IMMP2L: variants seen among roughly 807,000 people sequenced by gnomAD.
IMMP2L encodes inner mitochondrial membrane peptidase subunit 2.
A neutral mutation model predicts 19.3 loss-of-function variants in IMMP2L; 18 were observed. That is an observed-to-expected ratio of 0.93 (90% CI 0.64 to 1.38). The LOEUF is 1.38. Among genes scored for constraint, IMMP2L ranks in the 40% most tolerant of loss-of-function variants. The pLI is 0.00. For synonymous variants in IMMP2L, 76 were observed against 73.0 expected (o/e 1.04, Z -0.21); for missense variants, 233 against 218.2 (o/e 1.07, Z -0.43).
intron 5 of IMMP2L, among the ~76,000 whole-genome samples, chr7:110,879,211 T>C (rs1276268397): frequency 1.3e-5 from 2 of 152,002 alleles, no homozygotes; most frequent in Non-Finnish European, 2.9e-5. Context: ...GTCAACATGG[T>C]GAAACCCTGT....
In IMMP2L at chr7:111,128,970, A is replaced by T. The variant is rs1216929064; in HGVS notation, c.240-165405T>A. On this transcript the variant is annotated intron_variant, in intron 3 of 5. Coordinates refer to ENST00000405709, the MANE Select transcript of IMMP2L (RefSeq NM_032549.4). ...TCTAGCATAGACAAAATGTCTACAT[A>T]TCTTTACAAGGAGGAGAACCAACTT... Among the ~76,000 whole-genome samples, 8 of 152,230 alleles carry T rather than the reference A, an allele frequency of 5.3e-5. No individual in the cohort carries two copies. In the East Asian group the frequency reaches 1.5e-3, roughly 29 times the overall value.
intron 3 of IMMP2L, chr7:111,390,717 C>G (rs1391664412): frequency 6.6e-6 from 1 of 152,056 alleles, no homozygotes; most frequent in African/African-American, 2.4e-5. Flanking sequence ...AGAAATACAA[C>G]AAACGATTTC....
chr7:110,975,882 T>A (rs1820636964), intron 3 of IMMP2L, among the ~76,000 whole-genome samples: 1 of 152,128 alleles, frequency 6.6e-6, no homozygotes, highest in Non-Finnish European at 1.5e-5. Context: ...TTACTTTTAG[T>A]CACATTAAAC....
chr7:110,858,630 T>G (rs951092439), intron 5 of IMMP2L, among the ~76,000 whole-genome samples: 15 of 151,994 alleles, frequency 9.9e-5, no homozygotes, highest in African/African-American at 3.6e-4. Flanking sequence ...TACTTTAAGT[T>G]TTAGGGTACA....
intron 4 of IMMP2L, among the ~76,000 whole-genome samples, chr7:110,923,921 G>A (rs1456540253): frequency 6.6e-6 from 1 of 152,152 alleles, no homozygotes; most frequent in African/African-American, 2.4e-5. Flanking sequence ...CTGATTGCTA[G>A]TGATTGACAA....
rs562319353 is a variant in IMMP2L at position 110,757,752 on chromosome 7, T to C, written c.409-94031A>G. On this transcript the variant is annotated intron_variant, in intron 5 of 5. Transcript: ENST00000405709. The surrounding 1 kb of genome is among the most constrained non-coding windows in gnomAD (Gnocchi z 4.2). ...TGCCCATACCTTTGTTAAATCTTTC[T>C]TAAATTTTTCTACTTTGAGTTTGTC... Among the ~76,000 whole-genome samples, 1 of 152,142 alleles carries C rather than the reference T, an allele frequency of 6.6e-6. No homozygotes were observed. Among genetic ancestry groups the C allele is most frequent in the African/African-American group, 2.4e-5 (1 of 41,448 alleles).
chr7:111,284,683 G>C (rs548079231), intron 3 of IMMP2L, among the ~76,000 whole-genome samples: 2 of 152,112 alleles, frequency 1.3e-5, no homozygotes, highest in South Asian at 4.1e-4. Context: ...CAGGCACTGA[G>C]AGCAAAAAGA....
chr7:110,992,703 G>A (rs1337887841), intron 3 of IMMP2L, among the ~76,000 whole-genome samples: 1 of 151,866 alleles, frequency 6.6e-6, no homozygotes, highest in African/African-American at 2.4e-5. Flanking sequence ...GATCACTCAA[G>A]CATTTGTTGA....
In IMMP2L at chr7:111,479,164, T is replaced by C. The variant is rs577887030; in HGVS notation, c.239+8074A>G. ...AAAAGTTCTGCTCATCCTGTCACCA[T>C]CTTAGCTATTGCTGCTTGGTTTCTC... is the stretch of plus-strand genomic sequence containing the variant. On this transcript the variant is annotated intron_variant, in intron 3 of 5. Transcript: ENST00000405709. Among the ~76,000 whole-genome samples the C allele has an allele frequency of 3.9e-5, 6 of 152,290 alleles. No individual in the cohort carries two copies. In the South Asian group the frequency reaches 1.0e-3, roughly 26 times the overall value.
chr7:111,217,994 T>G (rs2129620009), intron 3 of IMMP2L, among the ~76,000 whole-genome samples: 1 of 152,156 alleles, frequency 6.6e-6, no homozygotes, highest in East Asian at 1.9e-4. Flanking sequence ...TTCAAAATAA[T>G]GAGCTACGGA....
At chr7:110,747,940 A>G (rs1248922252) in intron 5 of IMMP2L, among the ~76,000 whole-genome samples, 1 of 152,222 alleles carries the variant, frequency 6.6e-6, no homozygotes, top group Admixed American at 6.5e-5. Flanking sequence ...TTCAATTAGG[A>G]AAAGAGGAAG....
intron 3 of IMMP2L, among the ~76,000 whole-genome samples, chr7:111,286,879 T>G (rs1820543047): frequency 6.6e-6 from 1 of 152,162 alleles, no homozygotes; most frequent in South Asian, 2.1e-4. Context: ...GATTTAGGGA[T>G]ACACACTTTC....
intron 4 of IMMP2L, among the ~76,000 whole-genome samples, chr7:110,936,553 G>T (rs1816131567): frequency 6.6e-6 from 1 of 152,182 alleles, no homozygotes; most frequent in African/African-American, 2.4e-5. Context: ...GGAAACAACA[G>T]ATGCTGGGGA....
chr7:110,845,447 C>T (rs1050235225), intron 5 of IMMP2L, among the ~76,000 whole-genome samples: 3 of 152,098 alleles, frequency 2.0e-5, no homozygotes, highest in African/African-American at 7.2e-5. Flanking sequence ...AACTCCTGCC[C>T]TATAATCTCC....
intron 4 of IMMP2L, among the ~76,000 whole-genome samples, chr7:110,917,436 T>G (rs1813734226): frequency 6.6e-6 from 1 of 152,216 alleles, no homozygotes; most frequent in Non-Finnish European, 1.5e-5. Flanking sequence ...ACTATCTGCA[T>G]GTCAAAATAG....
At chr7:111,101,136 A>G (rs944560926) in intron 3 of IMMP2L, among the ~76,000 whole-genome samples, 7 of 151,504 alleles carry the variant, frequency 4.6e-5, no homozygotes, top group African/African-American at 1.7e-4. Flanking sequence ...CATCATATTT[A>G]GTTTTTAAGC....
chr7:111,192,709 T>G (rs2129613387), intron 3 of IMMP2L, among the ~76,000 whole-genome samples: 1 of 152,166 alleles, frequency 6.6e-6, no homozygotes, highest in African/African-American at 2.4e-5. Context: ...GGGCATCACA[T>G]GGCAGGTTAA....
chr7:110,999,350 G>T (rs1347310934), intron 3 of IMMP2L, among the ~76,000 whole-genome samples: 4 of 138,438 alleles, frequency 2.9e-5, no homozygotes, highest in Admixed American at 7.2e-5. Context: ...TTGAGATTCT[G>T]GATTGTACCT....
chr7:110,869,083 T>C (rs1405501098), intron 5 of IMMP2L, among the ~76,000 whole-genome samples: 1 of 152,122 alleles, frequency 6.6e-6, no homozygotes, highest in South Asian at 2.1e-4. Context: ...TCTTCAGCTT[T>C]TACTTGGTCA....
Sources: gnomAD v4.1 joint callset for allele counts (sites outside exome capture counted in the v4.1 genomes callset) on GRCh38, gnomAD v4.1.1 for gene constraint, Gnocchi (gnomAD v3.1) non-coding constraint, MANE v1.5 for transcripts, NCBI Gene and HGNC (gene_info 2026-07-23, HGNC 2026-07-21) for gene names.